Variants in NAV3 observed in about 807,000 individuals in gnomAD.
NAV3 encodes neuron navigator 3.
A neutral mutation model predicts 244.7 loss-of-function variants in NAV3; 87 were observed. That is an observed-to-expected ratio of 0.36 (90% confidence interval 0.30 to 0.42). The LOEUF is 0.42. Ranked by LOEUF, NAV3 falls within the 20% of genes least tolerant of loss-of-function variation. The probability of loss-of-function intolerance (pLI) is 1.00; values close to 1 mark genes in which losing one functional copy is unlikely to be tolerated. For missense variants in NAV3, 2,663 were observed against 2,893.3 expected (o/e 0.92, Z 1.83); for synonymous variants, 1,126 against 1,042.2 (o/e 1.08, Z -1.55).
chr12:78,050,973 A>G lies in NAV3; in HGVS notation c.2342A>G (p.Tyr781Cys), dbSNP rs1486820085. The G allele has an allele frequency of 1.9e-6, 3 of 1,614,108 alleles. No individual in the cohort carries two copies. Among genetic ancestry groups the G allele is most frequent in the Admixed American group, 1.7e-5 (1 of 60,016 alleles). The change falls in exon 11 of 40, where the codon TAT (tyrosine) becomes TGT (cysteine). Residue 781 changes from tyrosine (Y) to cysteine (C), a missense_variant. Coordinates refer to ENST00000397909, the MANE Select transcript of NAV3 (RefSeq NM_001024383.2). ...FIHTDPSRFMYTTPLRRAAVS... is the reference protein window; with the variant it reads ...FIHTDPSRFMCTTPLRRAAVS... ...CACACAGACCCCTCGAGGTTCATGT[A>G]TACCACGCCTCTCCGTCGAGCTGCT...
intron 39 of NAV3, among the ~76,000 whole-genome samples, chr12:78,208,984 G>C (rs927275805): frequency 6.6e-6 from 1 of 152,110 alleles, no homozygotes; most frequent in Non-Finnish European, 1.5e-5. Flanking sequence ...AAAGAGAGAG[G>C]AGAGTGGGAG....
At chr12:77,574,546 A>G (rs547411808) in intron 2 of NAV3, among the ~76,000 whole-genome samples, 135 of 152,250 alleles carry the variant, frequency 8.9e-4, no homozygotes, top group African/African-American at 3.2e-3. Flanking sequence ...TTTAGCAGGT[A>G]TAGGTGAAAC....
At chr12:77,620,705 A>AC (rs1871335186) in intron 2 of NAV3, among the ~76,000 whole-genome samples, 3 of 151,844 alleles carry the variant, frequency 2.0e-5, no homozygotes, top group South Asian at 4.2e-4. Flanking sequence ...CAGGTGATCC[A>AC]CCCCCCTCAG....
intron 2 of NAV3, among the ~76,000 whole-genome samples, chr12:77,750,247 G>A (rs184002255): frequency 6.6e-5 from 10 of 152,256 alleles, no homozygotes; most frequent in South Asian, 4.2e-4. Flanking sequence ...CAGCTACTCC[G>A]GAGGCTGATG....
chr12:78,042,760 G>A (rs1881090473), intron 9 of NAV3, among the ~76,000 whole-genome samples: 1 of 152,238 alleles, frequency 6.6e-6, no homozygotes, highest in African/African-American at 2.4e-5. Context: ...TTGAACTCCA[G>A]CCTGAGCAAA....
In NAV3 at chr12:78,006,496, G is replaced by A. The variant is rs768709093; in HGVS notation, c.958G>A (p.Ala320Thr). The change falls in exon 8 of 40, where the codon GCC (alanine) becomes ACC (threonine). Residue 320 changes from alanine to threonine, a missense_variant. By Grantham distance (58) the Ala-to-Thr change is moderately conservative. Transcript: ENST00000397909. The part of the protein sequence containing the change: ...QPPSTAGQPP[A>T]SAIPSPSASK... ...TCCCAGTACTGCTGGGCAGCCTCCT[G>A]CCTCTGCCATCCCTTCTCCAAGTGC... 1.2e-6 allele frequency: 2 copies of A among 1,614,002 alleles called. No individual in the cohort carries two copies. The highest frequency in any genetic ancestry group is 1.7e-6 in the Non-Finnish European group (2 of 1,180,032).
chr12:78,045,552 C>A (rs2137147308), intron 9 of NAV3, among the ~76,000 whole-genome samples: 1 of 152,260 alleles, frequency 6.6e-6, no homozygotes, highest in Admixed American at 6.5e-5. Flanking sequence ...CTCAGCCTCC[C>A]AAAGTGCTGG....
chr12:77,767,781 C>A (rs1869855354), intron 2 of NAV3, among the ~76,000 whole-genome samples: 1 of 152,152 alleles, frequency 6.6e-6, no homozygotes, highest in Non-Finnish European at 1.5e-5. Context: ...TTGGGGAGCA[C>A]CTAGGTCTGA....
At chr12:77,646,365 T>C (rs1199885934) in intron 2 of NAV3, among the ~76,000 whole-genome samples, 1 of 152,166 alleles carries the variant, frequency 6.6e-6, no homozygotes, top group Non-Finnish European at 1.5e-5. Flanking sequence ...CTTCCTGCTG[T>C]GAGACAGAGG....
intron 2 of NAV3, among the ~76,000 whole-genome samples, chr12:77,649,575 TAGAA>T (rs1327160393): frequency 6.6e-6 from 1 of 152,106 alleles, no homozygotes; most frequent in African/African-American, 2.4e-5. Context: ...AAATCAGAAA[TAGAA>T]AGATAGTCTT....
chr12:78,161,186 A>T (rs1179337884), intron 23 of NAV3, among the ~76,000 whole-genome samples: 2 of 152,236 alleles, frequency 1.3e-5, no homozygotes, highest in Middle Eastern at 3.4e-3. Flanking sequence ...TCACCTTCTT[A>T]AAAGTGGGGA....
chr12:77,623,577 TA>T (rs907401720), intron 2 of NAV3, among the ~76,000 whole-genome samples: 2 of 152,144 alleles, frequency 1.3e-5, no homozygotes, highest in Admixed American at 6.5e-5. Context: ...TAATTAGAGA[TA>T]AAAAAATATT....
chr12:77,634,904 G>GTTAT (rs72076435), intron 2 of NAV3, among the ~76,000 whole-genome samples: 18 of 151,850 alleles, frequency 1.2e-4, no homozygotes, highest in African/African-American at 2.2e-4. Flanking sequence ...TCTAGCAAGT[G>GTTAT]TTATTTATTT....
intron 2 of NAV3, among the ~76,000 whole-genome samples, chr12:77,770,323 A>G (rs1870013755): frequency 6.6e-6 from 1 of 152,204 alleles, no homozygotes; most frequent in Non-Finnish European, 1.5e-5. Context: ...GAGGTATAGC[A>G]CTTCTGGATG....
At chr12:77,634,165 A>G (rs191467541) in intron 2 of NAV3, among the ~76,000 whole-genome samples, 253 of 151,792 alleles carry the variant, frequency 1.7e-3, no homozygotes, top group South Asian at 7.1e-3. Flanking sequence ...TTTTGAGAAC[A>G]TTAAAATGAA....
chr12:78,071,580 C>T (rs1007112997), intron 12 of NAV3, among the ~76,000 whole-genome samples: 43 of 152,142 alleles, frequency 2.8e-4, no homozygotes, highest in Admixed American at 4.6e-4. Flanking sequence ...TTGTCAATCT[C>T]GTCTTTTGTT....
At position 77,649,417 on chromosome 12, in the gene NAV3, G is replaced by A. The variant is rs1025979349; in HGVS notation, c.72+77151G>A. Among the ~76,000 whole-genome samples, 36 of 151,894 alleles carry A rather than the reference G, an allele frequency of 2.4e-4. 1 individual carries two copies. The highest frequency in any genetic ancestry group is 4.6e-4 in the Non-Finnish European group (31 of 67,924). ...CACTATATTATTTTTTATTCCATTC[G>A]TTCCATTGGTATTTCAAGTCTTAAT... On this transcript the variant is annotated intron_variant, in intron 2 of 8. Coordinates refer to the NAV3 transcript ENST00000550042.
At chr12:77,588,136 G>C (rs1869718328) in intron 2 of NAV3, among the ~76,000 whole-genome samples, 1 of 151,882 alleles carries the variant, frequency 6.6e-6, no homozygotes, top group African/African-American at 2.4e-5. Flanking sequence ...CTATTTTGTT[G>C]AGATGAGGTC....
intron 5 of NAV3, among the ~76,000 whole-genome samples, chr12:77,982,524 A>G (rs995697875): frequency 2.6e-5 from 4 of 152,202 alleles, no homozygotes; most frequent in African/African-American, 9.6e-5. Context: ...GGGACTGACG[A>G]AGGAAATGCC....
Sources: gnomAD v4.1 joint callset for allele counts (sites outside exome capture counted in the v4.1 genomes callset) on GRCh38, gnomAD v4.1.1 for gene constraint, MANE v1.5 for transcripts, NCBI Gene and HGNC (gene_info 2026-07-23, HGNC 2026-07-21) for gene names.